Variants in EYS observed in about 807,000 individuals in gnomAD.
The protein encoded by EYS is EGF-like photoreceptor maintenance factor.
A neutral mutation model predicts 282.1 loss-of-function variants in EYS; 250 were observed. The ratio of observed to expected loss-of-function variants is 0.89; its 90% CI spans 0.80 to 0.98. The LOEUF is 0.98. EYS is among the 50% of genes least tolerant of loss of function. The pLI, the probability that EYS is intolerant of heterozygous loss-of-function variation, is 0.00. For missense variants in EYS, 4,016 were observed against 3,709.0 expected, an observed-to-expected ratio of 1.08 and a Z score of -2.15; for synonymous variants, 1,355 against 1,282.9, an observed-to-expected ratio of 1.06 and a Z score of -1.20.
At chr6:65,201,730 T>A (rs768488693) in intron 12 of EYS, among the ~76,000 whole-genome samples, 4 of 152,146 alleles carry the variant, frequency 2.6e-5, no homozygotes, top group Non-Finnish European at 4.4e-5. Flanking sequence ...TTCAAAGCAA[T>A]AACACCTATA....
chr6:64,389,906 G>A (rs568779324), intron 28 of EYS, among the ~76,000 whole-genome samples: 1 of 152,008 alleles, frequency 6.6e-6, no homozygotes, highest in African/African-American at 2.4e-5. Flanking sequence ...GCGCAGGTCA[G>A]TGGGTGTGCA....
chr6:65,386,744 G>T (rs1383100234), intron 7 of EYS, among the ~76,000 whole-genome samples: 2 of 151,940 alleles, frequency 1.3e-5, no homozygotes, highest in African/African-American at 2.4e-5. Flanking sequence ...GCTACTCTAG[G>T]TGTCCAGCAG....
chr6:64,129,316 C>A (rs959206457), intron 31 of EYS, among the ~76,000 whole-genome samples: 4 of 152,196 alleles, frequency 2.6e-5, no homozygotes, highest in Non-Finnish European at 5.9e-5. Context: ...GATCGTCATT[C>A]TAACTGGTGT....
intron 14 of EYS, among the ~76,000 whole-genome samples, chr6:64,956,501 G>A (rs182913579): frequency 2.4e-4 from 37 of 152,138 alleles, no homozygotes; most frequent in Non-Finnish European, 4.6e-4. Flanking sequence ...CAGAAAACTG[G>A]GGAAAATCTC....
intron 26 of EYS, among the ~76,000 whole-genome samples, chr6:64,506,580 T>C (rs1777212224): frequency 6.6e-6 from 1 of 152,168 alleles, no homozygotes; most frequent in South Asian, 2.1e-4. Context: ...AAGGATCAGT[T>C]CAAAGTAGCT....
chr6:64,620,704 T>C (rs1024115290), intron 23 of EYS, among the ~76,000 whole-genome samples: 6 of 132,544 alleles, frequency 4.5e-5, no homozygotes, highest in African/African-American at 1.5e-4. Flanking sequence ...TAAATATTTA[T>C]TGGATTTTTT....
At chr6:65,530,652 A>T (rs549050666) in intron 2 of EYS, among the ~76,000 whole-genome samples, 48 of 152,324 alleles carry the variant, frequency 3.2e-4, no homozygotes, top group African/African-American at 1.0e-3. Flanking sequence ...ATAATAAAAT[A>T]TACCTGCCAT....
chr6:65,412,097 C>T (rs1039662964), intron 5 of EYS, among the ~76,000 whole-genome samples: 46 of 152,054 alleles, frequency 3.0e-4, no homozygotes, highest in Non-Finnish European at 5.3e-4. Flanking sequence ...GCTTGCTATC[C>T]CTCTCTCAGC....
In EYS at chr6:64,686,785, ATATGTGTGTATATATATATG is replaced by A. The variant is rs1478681990; in HGVS notation, c.3444-60560_3444-60541del. On this transcript the variant is annotated intron_variant, in intron 22 of 42. Transcript: ENST00000503581. ...TATGTGTGTATATATATATATATAT[ATATGTGTGTATATATATATG>A]TGTGTATATATATATGTGTATATAT... is the stretch of plus-strand genomic sequence containing the variant. Among the ~76,000 whole-genome samples the A allele has an allele frequency of 6.0e-5, 2 of 33,218 alleles. 1 individual carries two copies. The highest frequency in any genetic ancestry group is 1.4e-4 in the Non-Finnish European group (2 of 14,370). 21.8% of individuals were successfully genotyped at this position (33,218 alleles called of 152,430 possible).
intron 12 of EYS, among the ~76,000 whole-genome samples, chr6:65,107,253 G>A (rs923451559): frequency 4.6e-5 from 7 of 150,770 alleles, no homozygotes; most frequent in African/African-American, 1.5e-4. Context: ...AGTCAGATAA[G>A]GCCTTTGTCT....
intron 8 of EYS, among the ~76,000 whole-genome samples, chr6:65,374,789 A>T (rs1765298414): frequency 6.6e-6 from 1 of 152,148 alleles, no homozygotes; most frequent in African/African-American, 2.4e-5. Flanking sequence ...GGCGGAACGC[A>T]TCACAGCACA....
chr6:63,918,115 T>C (rs1269519424), intron 35 of EYS, among the ~76,000 whole-genome samples: 1 of 152,192 alleles, frequency 6.6e-6, no homozygotes, highest in African/African-American at 2.4e-5. Flanking sequence ...TATTGGCAAC[T>C]AAGTGCAAAT....
intron 13 of EYS, among the ~76,000 whole-genome samples, chr6:65,047,052 C>T (rs1460530706): frequency 6.6e-6 from 1 of 151,788 alleles, no homozygotes; most frequent in Non-Finnish European, 1.5e-5. Context: ...GCCTCTGCAG[C>T]CATCCCTCCT....
chr6:64,115,597 G>A (rs1773353370), intron 31 of EYS, among the ~76,000 whole-genome samples: 1 of 152,134 alleles, frequency 6.6e-6, no homozygotes, highest in South Asian at 2.1e-4. Context: ...TCAGCTGATG[G>A]AACTGCATAG....
At chr6:64,852,001 G>C (rs1583223212) in intron 19 of EYS, among the ~76,000 whole-genome samples, 1 of 152,110 alleles carries the variant, frequency 6.6e-6, no homozygotes, top group Non-Finnish European at 1.5e-5. Context: ...TTTGAGGATT[G>C]TTGGGATAAA....
chr6:63,914,118 G>C (rs1764353511), intron 35 of EYS, among the ~76,000 whole-genome samples: 1 of 152,094 alleles, frequency 6.6e-6, no homozygotes, highest in South Asian at 2.1e-4. Flanking sequence ...CTGACTGTCT[G>C]CTCCCCACAT....
chr6:64,408,830 T>A (rs1773800993), intron 28 of EYS, among the ~76,000 whole-genome samples: 1 of 152,190 alleles, frequency 6.6e-6, no homozygotes, highest in African/African-American at 2.4e-5. Context: ...GGCATACATG[T>A]GCACGCTTGT....
intron 12 of EYS, among the ~76,000 whole-genome samples, chr6:65,216,155 A>G (rs1424912890): frequency 6.6e-6 from 1 of 152,120 alleles, no homozygotes; most frequent in Non-Finnish European, 1.5e-5. Context: ...TTCTTAAATT[A>G]AGGACAAAAG....
chr6:64,574,411 A>T (rs561211935), intron 26 of EYS, among the ~76,000 whole-genome samples: 2 of 152,320 alleles, frequency 1.3e-5, no homozygotes, highest in Admixed American at 6.5e-5. Context: ...GTATCCTAGA[A>T]CTTAAACTAT....
Sources: allele counts gnomAD v4.1 joint callset (sites outside exome capture counted in the v4.1 genomes callset), GRCh38; gene constraint gnomAD v4.1.1; transcripts MANE v1.5; gene names NCBI Gene and HGNC (gene_info 2026-07-23, HGNC 2026-07-21).